MAX: variants seen among roughly 807,000 people sequenced by gnomAD.
MAX encodes protein max.
A neutral mutation model predicts 22.3 loss-of-function variants in MAX; 3 were observed. That is an observed-to-expected ratio of 0.13 (90% confidence interval 0.06 to 0.35). The LOEUF is 0.35. Ranked by LOEUF, MAX falls within the 10% of genes least tolerant of loss-of-function variation. The pLI is 1.00. For missense variants in MAX, 119 were observed against 209.4 expected (o/e 0.57, Z 2.66); for synonymous variants, 72 against 77.7 (o/e 0.93, Z 0.39).
intron 3 of MAX, among the ~76,000 whole-genome samples, chr14:65,035,035 C>A (rs1470096773): frequency 6.6e-6 from 1 of 152,236 alleles, no homozygotes; most frequent in Non-Finnish European, 1.5e-5. Flanking sequence ...TTTGTTTCCC[C>A]AGCACGTATG....
At chr14:65,063,719 C>G (rs956219172) in intron 3 of MAX, among the ~76,000 whole-genome samples, 3 of 152,154 alleles carry the variant, frequency 2.0e-5, no homozygotes, top group African/African-American at 7.2e-5. Context: ...TGCACACCAC[C>G]ACAGCTAGCT....
chr14:65,089,431 T>TA (rs1265024328), intron 3 of MAX, among the ~76,000 whole-genome samples: 1 of 152,080 alleles, frequency 6.6e-6, no homozygotes, highest in East Asian at 1.9e-4. Context: ...ATGAGTTTGA[T>TA]AACAACAGGC....
rs1280977110 is a variant in MAX, at chr14:65,047,881, A to G, written c.172-41597T>C. ...CCTGGGCACACAGCCCGAGATGTACACAGCTTTTCCTGGAACCCTACACAA... is the reference window on the plus strand; with the variant it reads ...CCTGGGCACACAGCCCGAGATGTACGCAGCTTTTCCTGGAACCCTACACAA... On this transcript the variant is annotated intron_variant, in intron 3 of 3. Coordinates refer to the MAX transcript ENST00000341653. This position sits in a 1 kb window ranked among gnomAD's most constrained non-coding sequence, Gnocchi z 5.2. Among the ~76,000 whole-genome samples the G allele has an allele frequency of 1.3e-5, 2 of 152,024 alleles. No individual in the cohort carries two copies. The highest frequency in any genetic ancestry group is 2.1e-4 in the South Asian group (1 of 4,826).
In MAX at chr14:65,044,597, T is replaced by A; in HGVS notation, c.172-38313A>T. On this transcript the variant is annotated intron_variant, in intron 3 of 3. Transcript: ENST00000341653. The surrounding 1 kb of genome is among the most constrained non-coding windows in gnomAD (Gnocchi z 5.5). ...GTGTGGAACCTCATGCCGTGGGGCA[T>A]GCGAATGCAGAGTAAGATTTAGTTT... 1 of 1,117,826 alleles carries A rather than the reference T, an allele frequency of 8.9e-7. No individual in the cohort carries two copies. The highest frequency in any genetic ancestry group is 1.8e-5 in the South Asian group (1 of 54,196). 69.2% of individuals were successfully genotyped at this position (1,117,826 alleles called of 1,614,324 possible).
intron 3 of MAX, among the ~76,000 whole-genome samples, chr14:65,058,325 C>A (rs2062788609): frequency 6.9e-6 from 1 of 145,302 alleles, no homozygotes; most frequent in East Asian, 2.0e-4. Context: ...GGAATCTTTT[C>A]TTATTTTCAG....
At chr14:65,037,623 C>T (rs747358412) in intron 3 of MAX, among the ~76,000 whole-genome samples, 5 of 149,252 alleles carry the variant, frequency 3.4e-5, no homozygotes, top group African/African-American at 4.9e-5. Context: ...CAAAGCCTCA[C>T]CACATTGCCC....
chr14:65,036,583 C>T (rs2062198357), intron 3 of MAX, among the ~76,000 whole-genome samples: 1 of 152,152 alleles, frequency 6.6e-6, no homozygotes, highest in Admixed American at 6.5e-5. Flanking sequence ...AAATGGATTC[C>T]ACTGTGCTGT....
intron 3 of MAX, among the ~76,000 whole-genome samples, chr14:65,024,839 G>A (rs558807632): frequency 1.2e-4 from 18 of 152,150 alleles, no homozygotes; most frequent in Admixed American, 1.0e-3. Context: ...GGCTGGTCTT[G>A]AACTACTGGC....
chr14:65,054,808 C>G lies in MAX; in HGVS notation c.171+38900G>C. ...TGTGGACAGGCGGAAGCTTGTGGTCCCTCTGCCCTTCGAGCTGTGCAGCCG... is the reference window on the plus strand; with the variant it reads ...TGTGGACAGGCGGAAGCTTGTGGTCGCTCTGCCCTTCGAGCTGTGCAGCCG... On this transcript the variant is annotated intron_variant, in intron 3 of 3. Transcript: ENST00000341653. This position sits in a 1 kb window ranked among gnomAD's most constrained non-coding sequence, Gnocchi z 4.4. 1 of 1,126,222 alleles carries G rather than the reference C, an allele frequency of 8.9e-7. No individual in the cohort carries two copies. The highest frequency in any genetic ancestry group is 2.6e-5 in the East Asian group (1 of 38,544). The allele number at this position is 1,126,222 out of a possible 1,614,324, so 69.8% of individuals were successfully genotyped here.
Position 65,027,740 on chromosome 14 carries a change from C to T in MAX, c.172-21456G>A, listed in dbSNP as rs775905373. The stretch of plus-strand genomic sequence containing the variant: ...ATTTGTACTCCCTGAAGCAACCTGA[C>T]GGCTCCTTTCTCATGCATGTCGGAG... On this transcript the variant is annotated intron_variant, in intron 3 of 3. Coordinates refer to the MAX transcript ENST00000341653. This position sits in a 1 kb window ranked among gnomAD's most constrained non-coding sequence, Gnocchi z 5.7. 26 of 1,614,048 alleles carry T rather than the reference C, an allele frequency of 1.6e-5. No homozygotes were observed. In the Admixed American group the frequency reaches 1.7e-4, roughly 10 times the overall value.
chr14:65,053,399 AG>A, intron 3 of MAX: 3 of 1,340,198 alleles, frequency 2.2e-6, no homozygotes, highest in Non-Finnish European at 2.9e-6. Context: ...GAGAGAGCAG[AG>A]GGGCGTGCAC....
In MAX at chr14:65,077,567, C is replaced by T; in HGVS notation, c.295+346G>A. ...CCTGGAGTCTCTGGTACTTACACAG[C>T]ACATTCCACTCCAAGGACCTCAAAG... On this transcript the variant is annotated intron_variant, in intron 4 of 4. Transcript: ENST00000358664. The surrounding 1 kb of genome is among the most constrained non-coding windows in gnomAD (Gnocchi z 6.3). The T allele has an allele frequency of 1.1e-6, 1 of 920,098 alleles. No homozygotes were observed. The highest frequency in any genetic ancestry group is 1.8e-6 in the Non-Finnish European group (1 of 556,116). 57.0% of individuals were successfully genotyped at this position (920,098 alleles called of 1,614,324 possible).
chr14:65,048,903 G>T (rs1283108945), intron 3 of MAX, among the ~76,000 whole-genome samples: 4 of 151,214 alleles, frequency 2.6e-5, no homozygotes, highest in Non-Finnish European at 5.9e-5. Flanking sequence ...GAGGTGGGTG[G>T]ATCATGAGCT....
chr14:65,024,574 G>A (rs79191167), intron 3 of MAX, among the ~76,000 whole-genome samples: 15,201 of 152,160 alleles, frequency 0.1, 1,015 homozygotes, highest in Admixed American at 0.17. Context: ...TAATTGGCAC[G>A]TAAGCTAGAA....
At chr14:65,048,393 G>T (rs973909724) in intron 3 of MAX, among the ~76,000 whole-genome samples, 11 of 151,542 alleles carry the variant, frequency 7.3e-5, no homozygotes, top group African/African-American at 2.7e-4. Context: ...TTTTTAAAAG[G>T]CATTGATCAT....
At chr14:65,100,509 T>C (rs2063800615) in intron 2 of MAX, among the ~76,000 whole-genome samples, 2 of 152,280 alleles carry the variant, frequency 1.3e-5, no homozygotes, top group African/African-American at 4.8e-5. Context: ...GACCCTTCAC[T>C]CCTACTAACA....
In MAX at chr14:65,027,770, G is replaced by A. The variant is rs551830626; in HGVS notation, c.172-21486C>T. 276 of 1,614,058 alleles carry A rather than the reference G, an allele frequency of 1.7e-4. No individual in the cohort carries two copies. The highest frequency in any genetic ancestry group is 3.0e-4 in the Admixed American group (18 of 60,002). On this transcript the variant is annotated intron_variant, in intron 3 of 3. Transcript: ENST00000341653. This position sits in a 1 kb window ranked among gnomAD's most constrained non-coding sequence, Gnocchi z 5.7. ...CCTTTCTCATGCATGTCGGAGGTGA[G>A]GTGGATGTGAGGTGAGTGGGGTTTT... is the stretch of plus-strand genomic sequence containing the variant.
chr14:65,101,317 A>G (rs2063824746), intron 2 of MAX, among the ~76,000 whole-genome samples: 1 of 152,200 alleles, frequency 6.6e-6, no homozygotes, highest in Non-Finnish European at 1.5e-5. Flanking sequence ...TTCTTTGCAT[A>G]CAGCTCCTCT....
intron 3 of MAX, among the ~76,000 whole-genome samples, chr14:65,008,292 G>C (rs3783721): frequency 0.25 from 37,933 of 152,064 alleles, 4,913 homozygotes; most frequent in Non-Finnish European, 0.3. Flanking sequence ...GCCCAGGTTT[G>C]GGGGGAGGAA....
Sources: gnomAD v4.1 joint callset for allele counts (sites outside exome capture counted in the v4.1 genomes callset) on GRCh38, gnomAD v4.1.1 for gene constraint, Gnocchi (gnomAD v3.1) non-coding constraint, MANE v1.5 for transcripts, NCBI Gene and HGNC (gene_info 2026-07-23, HGNC 2026-07-21) for gene names.